The following ZNF273 variants were observed in gnomAD, a reference collection of about 807,000 sequenced individuals.
ZNF273 encodes zinc finger protein 273.
A neutral mutation model predicts 14.9 loss-of-function variants in ZNF273; 11 were observed. That is an observed-to-expected ratio of 0.74 (90% confidence interval 0.46 to 1.22). ZNF273 has a LOEUF of 1.22. Among genes scored for constraint, ZNF273 ranks in the 50% most tolerant of loss-of-function variants. The pLI is 0.00. For synonymous variants in ZNF273, 199 were observed against 223.9 expected (o/e 0.89, Z 0.99); for missense variants, 577 against 660.6 (o/e 0.87, Z 1.39).
At chr7:64,882,755 G>A (rs1583950471), downstream of ZNF273, 3 of 152,468 alleles carry the variant, frequency 2.0e-5, no homozygotes, top group Admixed American at 2.0e-4. Context: ...AGGATCCGCA[G>A]GAGGCGTCAG....
upstream of ZNF273, among the ~76,000 whole-genome samples, chr7:64,899,813 T>C (rs1792579352): frequency 1.3e-5 from 2 of 150,314 alleles, no homozygotes; most frequent in Admixed American, 1.3e-4. Flanking sequence ...CGGGCTGGAG[T>C]GCAATGGCGT....
downstream of ZNF273, among the ~76,000 whole-genome samples, chr7:64,933,799 T>C (rs1795037547): frequency 6.6e-6 from 1 of 152,212 alleles, no homozygotes; most frequent in South Asian, 2.1e-4. Flanking sequence ...AAACATGATG[T>C]TTTGAAGTAT....
At chr7:64,906,756 G>A (rs560592255) in intron 1 of ZNF273, among the ~76,000 whole-genome samples, 1 of 152,244 alleles carries the variant, frequency 6.6e-6, no homozygotes, top group Admixed American at 6.5e-5. Context: ...GATGGAAGGG[G>A]ATTAGGAAGG....
At chr7:64,906,325 A>G (rs1793107923) in intron 1 of ZNF273, among the ~76,000 whole-genome samples, 1 of 152,182 alleles carries the variant, frequency 6.6e-6, no homozygotes, top group Admixed American at 6.6e-5. Context: ...AAGCGTTCCC[A>G]TATGACTGTT....
upstream of ZNF273, among the ~76,000 whole-genome samples, chr7:64,902,294 T>G (rs936259743): frequency 2.6e-5 from 4 of 151,972 alleles, no homozygotes; most frequent in Non-Finnish European, 4.4e-5. Flanking sequence ...TTTTAAAATC[T>G]CAGGCTGCCT....
chr7:64,883,222 CT>C (rs199880087), downstream of ZNF273, among the ~76,000 whole-genome samples: 188 of 136,762 alleles, frequency 1.4e-3, 4 homozygotes, highest in Admixed American at 2.8e-3. Flanking sequence ...CCACCCCCCC[CT>C]CACCAAGCAG....
rs1793773323 is a variant in ZNF273 at position 64,914,180 on chromosome 7, G to GTTTTTTT, written c.103-3400_103-3399insTTTTTTT. Among the ~76,000 whole-genome samples the GTTTTTTT allele has an allele frequency of 3.2e-4, 20 of 63,080 alleles. 5 individuals carry two copies. Among genetic ancestry groups the GTTTTTTT allele is most frequent in the Non-Finnish European group, 3.5e-4 (12 of 34,232 alleles). The allele number at this position is 63,080 out of a possible 152,430, so 41.4% of individuals were successfully genotyped here. A position where few individuals can be genotyped will look rare whatever the true frequency, so the allele number is the denominator to read the frequency against. ...GCACCACTACGTCCTGGTAATTTTT[G>GTTTTTTT]TATTTTTTTTTTTTTTTTTTTTTTT... On this transcript the variant is annotated intron_variant, in intron 1 of 3. Transcript: ENST00000476120.
rs200608022 is a variant in ZNF273 at position 64,917,600 on chromosome 7, A to G, written c.122A>G (p.Asp41Gly). Reference sequence around the variant, plus strand: ...TTTCAGGGACCACTGACATTTAGGGATGTGGCCATAGAATTCTCTCTGGAG... The same window carrying G: ...TTTCAGGGACCACTGACATTTAGGGGTGTGGCCATAGAATTCTCTCTGGAG... Reference protein sequence around the residue: ...SLEMGPLTFRDVAIEFSLEEW... With the variant: ...SLEMGPLTFRGVAIEFSLEEW... The change falls in exon 2 of 4, where the codon GAT (aspartate) becomes GGT (glycine). Residue 41 changes from aspartate to glycine, a missense_variant. By Grantham distance (94) the Asp-to-Gly change is moderately conservative. Around this residue, in one of 3 missense-constraint regions of ZNF273, gnomAD observed 162 missense variants for 203.5 expected, o/e 0.80. Coordinates refer to ENST00000476120, the MANE Select transcript of ZNF273 (RefSeq NM_021148.3). The G allele has an allele frequency of 3.0e-5, 48 of 1,598,900 alleles. No individual in the cohort carries two copies. Among genetic ancestry groups the G allele is most frequent in the Non-Finnish European group, 3.8e-5 (45 of 1,170,470 alleles).
chr7:64,879,740 A>C (rs901281369), downstream of ZNF273: 3 of 152,026 alleles, frequency 2.0e-5, no homozygotes, highest in African/African-American at 4.8e-5. Flanking sequence ...CTGTATCTCC[A>C]GCCCAATGGG....
downstream of ZNF273, among the ~76,000 whole-genome samples, chr7:64,883,126 G>A (rs1453068156): frequency 3.9e-5 from 6 of 151,936 alleles, no homozygotes; most frequent in Non-Finnish European, 1.5e-5. Flanking sequence ...CTTGGGCTGC[G>A]GGGCTCCGCG....
At chr7:64,907,938 T>TA (rs1299783380) in intron 1 of ZNF273, among the ~76,000 whole-genome samples, 1 of 152,174 alleles carries the variant, frequency 6.6e-6, no homozygotes. Context: ...CTCTCAAACA[T>TA]ACGCACTAGA....
rs1055690137 is a variant in ZNF273 at position 64,929,970 on chromosome 7, A to C, written c.*932A>C. Reference sequence around the variant, plus strand: ...CAACCTCTGCCTCCCAGATTCAAGCAATTCTCCTGCCTCAGCCTCCCTAGT... The same window carrying C: ...CAACCTCTGCCTCCCAGATTCAAGCCATTCTCCTGCCTCAGCCTCCCTAGT... On this transcript the variant is annotated 3_prime_UTR_variant, in exon 4 of 4. Transcript: ENST00000476120. 2 of 152,422 alleles carry C rather than the reference A, an allele frequency of 1.3e-5. No homozygotes were observed. The highest frequency in any genetic ancestry group is 4.8e-5 in the African/African-American group (2 of 41,410). 9.4% of individuals were successfully genotyped at this position (152,422 alleles called of 1,614,324 possible).
intron 3 of ZNF273, among the ~76,000 whole-genome samples, chr7:64,925,220 A>C (rs201373870): frequency 4.6e-5 from 7 of 151,634 alleles, no homozygotes; most frequent in Non-Finnish European, 7.4e-5. Flanking sequence ...TCATTTTATT[A>C]GTTTTATTTG....
At chr7:64,933,094 C>A (rs763598551), downstream of ZNF273, among the ~76,000 whole-genome samples, 6 of 152,156 alleles carry the variant, frequency 3.9e-5, no homozygotes. Flanking sequence ...GCCTCAGCCT[C>A]CTGAGTAGCT....
At chr7:64,918,927 T>G (rs115949779) in intron 3 of ZNF273, among the ~76,000 whole-genome samples, 3 of 152,188 alleles carry the variant, frequency 2.0e-5, no homozygotes, top group Non-Finnish European at 4.4e-5. Flanking sequence ...CACAGATATC[T>G]GCATAATTTT....
At chr7:64,901,299 G>A (rs1394840138), upstream of ZNF273, among the ~76,000 whole-genome samples, 1 of 152,146 alleles carries the variant, frequency 6.6e-6, no homozygotes, top group Non-Finnish European at 1.5e-5. Flanking sequence ...TACCGTGCCC[G>A]GCGCTGGTAT....
At chr7:64,917,162 C>A in intron 1 of ZNF273, 1 of 1,157,358 alleles carries the variant, frequency 8.6e-7, no homozygotes, top group Non-Finnish European at 1.1e-6. Context: ...TATTCCAGAT[C>A]TTCTGGAAAG....
downstream of ZNF273, chr7:64,889,016 A>G: frequency 1.0e-6 from 1 of 985,980 alleles, no homozygotes; most frequent in Non-Finnish European, 1.2e-6. This position sits in a 1 kb window ranked among gnomAD's most constrained non-coding sequence, Gnocchi z 4.2. Context: ...AGAACCGCCT[A>G]CAAGGAACCG....
At chr7:64,906,319 G>A (rs1022764092) in intron 1 of ZNF273, among the ~76,000 whole-genome samples, 2 of 152,056 alleles carry the variant, frequency 1.3e-5, no homozygotes, top group African/African-American at 2.4e-5. Flanking sequence ...TCCCAGAAGC[G>A]TTCCCATATG....
Sources: gnomAD v4.1 joint callset for allele counts (sites outside exome capture counted in the v4.1 genomes callset) on GRCh38, gnomAD v4.1.1 for gene constraint, gnomAD v4.1.1 regional missense constraint, Gnocchi (gnomAD v3.1) non-coding constraint, MANE v1.5 for transcripts, NCBI Gene and HGNC (gene_info 2026-07-23, HGNC 2026-07-21) for gene names.